Variants in SORCS1 observed in about 807,000 individuals in gnomAD.
SORCS1 encodes sortilin related VPS10 domain containing receptor 1, also known as VPS10 domain-containing receptor SorCS1.
In SORCS1, 60 loss-of-function variants were observed where a neutral mutation model predicts 146.1. The observed-to-expected ratio is 0.41, with a 90% CI of 0.33 to 0.51. The LOEUF is 0.51. SORCS1 is among the 20% of genes least tolerant of loss of function. The probability of loss-of-function intolerance (pLI) is 0.21; values close to 1 mark genes in which losing one functional copy is unlikely to be tolerated. For synonymous variants in SORCS1, 637 were observed against 584.0 expected, an observed-to-expected ratio of 1.09 and a Z score of -1.31; for missense variants, 1,352 against 1,487.6, an observed-to-expected ratio of 0.91 and a Z score of 1.50.
At chr10:106,903,904 A>G (rs1014008655) in intron 2 of SORCS1, among the ~76,000 whole-genome samples, 1 of 152,204 alleles carries the variant, frequency 6.6e-6, no homozygotes, top group African/African-American at 2.4e-5. Context: ...TCTGAAACAA[A>G]TGATGGGTTG....
intron 2 of SORCS1, among the ~76,000 whole-genome samples, chr10:106,830,834 T>C (rs575541279): frequency 1.2e-4 from 18 of 150,970 alleles, no homozygotes; most frequent in South Asian, 6.3e-4. Context: ...AGGCAGAGAC[T>C]GTAGTGAGCC....
At chr10:106,811,828 T>A (rs1947474712) in intron 3 of SORCS1, among the ~76,000 whole-genome samples, 1 of 152,198 alleles carries the variant, frequency 6.6e-6, no homozygotes, top group Non-Finnish European at 1.5e-5. Context: ...CTTTAGTTAC[T>A]ATGTAGAGAA....
intron 1 of SORCS1, among the ~76,000 whole-genome samples, chr10:107,073,117 C>T (rs1962581373): frequency 6.6e-6 from 1 of 152,130 alleles, no homozygotes; most frequent in Non-Finnish European, 1.5e-5. Flanking sequence ...GCATACAGCA[C>T]AGATATTCTT....
At chr10:106,953,195 A>G (rs1368072367) in intron 2 of SORCS1, among the ~76,000 whole-genome samples, 1 of 150,958 alleles carries the variant, frequency 6.6e-6, no homozygotes, top group Non-Finnish European at 1.5e-5. Flanking sequence ...GTGTATACGC[A>G]TGGTCATCTC....
intron 1 of SORCS1, among the ~76,000 whole-genome samples, chr10:107,140,986 T>C (rs1280924602): frequency 6.6e-6 from 1 of 152,204 alleles, no homozygotes; most frequent in African/African-American, 2.4e-5. Context: ...GAACCCTTTA[T>C]GAAAAGCAAG....
At chr10:106,847,796 G>A (rs1158815492) in intron 2 of SORCS1, among the ~76,000 whole-genome samples, 10 of 128,686 alleles carry the variant, frequency 7.8e-5, no homozygotes, top group Admixed American at 3.9e-4. Context: ...CTTTGTTCTC[G>A]TTGGTTTCAA....
intron 9 of SORCS1, among the ~76,000 whole-genome samples, chr10:106,696,973 C>T (rs1056225781): frequency 3.9e-5 from 6 of 152,016 alleles, no homozygotes; most frequent in East Asian, 3.9e-4. Flanking sequence ...AAGGATAGAA[C>T]GAGGGCTAGG....
At chr10:107,064,013 TAACC>T (rs763574114) in intron 1 of SORCS1, among the ~76,000 whole-genome samples, 25 of 152,196 alleles carry the variant, frequency 1.6e-4, no homozygotes, top group Non-Finnish European at 3.7e-4. Flanking sequence ...CGAAAGACAT[TAACC>T]AACCATCTTC....
chr10:107,176,541 T>C, the SORCS1 span, among the ~76,000 whole-genome samples: 1 of 152,014 alleles, frequency 6.6e-6, no homozygotes, highest in Non-Finnish European at 1.5e-5. Context: ...CCCAGTATGT[T>C]GCTGCCTAGG....
chr10:106,609,789 G>A (rs1380471283), intron 22 of SORCS1, among the ~76,000 whole-genome samples: 1 of 152,236 alleles, frequency 6.6e-6, no homozygotes, highest in Non-Finnish European at 1.5e-5. Flanking sequence ...TGGAGGTACA[G>A]GGCATCTGAT....
intron 14 of SORCS1, among the ~76,000 whole-genome samples, chr10:106,674,594 G>A (rs1419889892): frequency 6.6e-6 from 1 of 152,044 alleles, no homozygotes; most frequent in East Asian, 1.9e-4. Flanking sequence ...AGACAAAAAT[G>A]AGTGTAAATG....
intron 19 of SORCS1, among the ~76,000 whole-genome samples, chr10:106,622,904 A>T (rs1287862673): frequency 6.6e-6 from 1 of 152,192 alleles, no homozygotes; most frequent in African/African-American, 2.4e-5. Flanking sequence ...ATAGCTATTA[A>T]GAGTTGCTGC....
intron 1 of SORCS1, among the ~76,000 whole-genome samples, chr10:106,957,784 T>C (rs1955034753): frequency 6.6e-6 from 1 of 152,130 alleles, no homozygotes; most frequent in South Asian, 2.1e-4. Context: ...TCCTCCGAAA[T>C]AGAAAGCAGC....
chr10:106,613,326 C>T (rs923029410), intron 21 of SORCS1, among the ~76,000 whole-genome samples: 6 of 152,076 alleles, frequency 3.9e-5, no homozygotes, highest in East Asian at 1.9e-4. Flanking sequence ...GGAGAACTAT[C>T]GACCACCGTG....
chr10:107,039,382 A>C (rs187421748), intron 1 of SORCS1, among the ~76,000 whole-genome samples: 1 of 151,928 alleles, frequency 6.6e-6, no homozygotes, highest in Admixed American at 6.6e-5. Flanking sequence ...ATGCCAAACT[A>C]ACTGAAAATT....
intron 1 of SORCS1, among the ~76,000 whole-genome samples, chr10:107,132,311 T>A (rs976457987): frequency 6.6e-6 from 1 of 152,160 alleles, no homozygotes; most frequent in Admixed American, 6.5e-5. Flanking sequence ...ACCCACCTAT[T>A]CTTAAAAATT....
the SORCS1 span, among the ~76,000 whole-genome samples, chr10:107,170,903 A>T: frequency 1.3e-5 from 2 of 152,192 alleles, no homozygotes; most frequent in Non-Finnish European, 2.9e-5. Context: ...TGGGGCTTAA[A>T]ATCCTAAACT....
At chr10:107,072,606 C>T (rs1471742578) in intron 1 of SORCS1, among the ~76,000 whole-genome samples, 1 of 148,562 alleles carries the variant, frequency 6.7e-6, no homozygotes, top group African/African-American at 2.6e-5. Context: ...TACATACATA[C>T]ACATATATAT....
At chr10:106,974,521 C>CA (rs1955914791) in intron 1 of SORCS1, among the ~76,000 whole-genome samples, 2 of 152,086 alleles carry the variant, frequency 1.3e-5, no homozygotes, top group Admixed American at 1.3e-4. Flanking sequence ...AGAAGGGTGG[C>CA]AGGAGAAGCT....
Sources: allele counts gnomAD v4.1 joint callset (sites outside exome capture counted in the v4.1 genomes callset), GRCh38; gene constraint gnomAD v4.1.1; transcripts MANE v1.5; gene names NCBI Gene and HGNC (gene_info 2026-07-23, HGNC 2026-07-21).